ADH1C: variants seen among roughly 807,000 people sequenced by gnomAD.
ADH1C encodes the protein alcohol dehydrogenase 1C (class I), gamma polypeptide, also known as alcohol dehydrogenase 1C.
A neutral mutation model predicts 35.0 loss-of-function variants in ADH1C; 26 were observed. The ratio of observed to expected loss-of-function variants is 0.74; its 90% CI spans 0.54 to 1.03. ADH1C has a LOEUF of 1.03. Among genes scored for constraint, ADH1C ranks in the 50% least tolerant of loss-of-function variants. ADH1C has a pLI of 0.00. For missense variants in ADH1C, 413 were observed against 465.4 expected, an observed-to-expected ratio of 0.89 and a Z score of 1.04; for synonymous variants, 170 against 169.3, an observed-to-expected ratio of 1.00 and a Z score of -0.03.
chr4:99,344,809 T>G, intron 5 of ADH1C, 53 bp downstream of exon 5: 8 of 1,602,008 alleles, frequency 5.0e-6, no homozygotes, highest in Non-Finnish European at 6.8e-6. Flanking sequence ...GCTTCCCTTT[T>G]GGTTCCTGAC....
chr4:99,340,780 C>A lies in ADH1C; in HGVS notation c.829-70G>T, dbSNP rs1339429612. The A allele has an allele frequency of 3.1e-6, 5 of 1,596,206 alleles. No homozygotes were observed. In the African/African-American group the frequency reaches 5.4e-5, roughly 17 times the overall value. ...AGTTCATACTCATAATGCACAATAT[C>A]ATGTAATAGGCTTAGCTGGATTGTG... On this transcript the variant is annotated intron_variant, in intron 6 of 8. Transcript: ENST00000515683.
intron 8 of ADH1C, among the ~76,000 whole-genome samples, chr4:99,336,998 C>T (rs1614972): frequency 0.38 from 57,602 of 152,004 alleles, 12,338 homozygotes; most frequent in East Asian, 0.75. Flanking sequence ...TCAAAACCTC[C>T]TGAGTATGCC....
intron 2 of ADH1C, 55 bp downstream of exon 2, chr4:99,347,690 T>C (rs1454932302): frequency 1.3e-6 from 2 of 1,489,452 alleles, no homozygotes; most frequent in Admixed American, 4.1e-5. Flanking sequence ...CTATTTTTAA[T>C]ATTTTCTGAA....
chr4:99,338,432 TATATATATATATAC>T (rs1367789733), intron 8 of ADH1C, among the ~76,000 whole-genome samples: 1,758 of 63,610 alleles, frequency 0.028, 245 homozygotes, highest in Middle Eastern at 0.033. Flanking sequence ...TATATATATA[TATATATATATATAC>T]ACACTCTTGA....
In ADH1C at chr4:99,348,258, C is replaced by T. The variant is rs1465629131; in HGVS notation, c.19-412G>A. 1.4e-4 allele frequency among the ~76,000 whole-genome samples: 20 copies of T among 144,610 alleles called. 1 individual carries two copies. Among genetic ancestry groups the T allele is most frequent in the African/African-American group, 5.1e-5 (2 of 39,270 alleles). The allele number at this position is 144,610 out of a possible 152,430, so 94.9% of individuals were successfully genotyped here. A position where few individuals can be genotyped will look rare whatever the true frequency, so the allele number is the denominator to read the frequency against. The stretch of plus-strand genomic sequence containing the variant: ...GTCATCTAGCATTAGGTATATCTCC[C>T]AATGCTATCCCTCCCCCCTCCCCCC... On this transcript the variant is annotated intron_variant, in intron 1 of 8. Coordinates refer to ENST00000515683, the MANE Select transcript of ADH1C (RefSeq NM_000669.5).
intron 1 of ADH1C, among the ~76,000 whole-genome samples, chr4:99,348,907 TG>T (rs1209330323): frequency 6.6e-6 from 1 of 151,068 alleles, no homozygotes; most frequent in East Asian, 1.9e-4. Context: ...ATGTGTTTTT[TG>T]GCTGCATAAA....
At chr4:99,336,936 G>C (rs559274466) in intron 8 of ADH1C, among the ~76,000 whole-genome samples, 160 bp from the exon 9 acceptor site, 1 of 152,222 alleles carries the variant, frequency 6.6e-6, no homozygotes, top group South Asian at 2.1e-4. Flanking sequence ...CAAGTGAAGG[G>C]AAGTTCATGT....
chr4:99,343,393 T>G (rs1734460324), intron 5 of ADH1C, among the ~76,000 whole-genome samples: 1 of 152,212 alleles, frequency 6.6e-6, no homozygotes, highest in African/African-American at 2.4e-5. Flanking sequence ...ACCAGGGGAC[T>G]GGATGATCTT....
chr4:99,340,734 A>G, intron 6 of ADH1C, 24 bp from the exon 7 acceptor site: 1 of 1,612,070 alleles, frequency 6.2e-7, no homozygotes, highest in East Asian at 2.2e-5. Flanking sequence ...AACATTTAGT[A>G]TCCTTAACGT....
At position 99,339,571 on chromosome 4, in the gene ADH1C, A is replaced by G; in HGVS notation, c.1103+6T>C. On this transcript the variant is annotated splice_donor_region_variant and intron_variant, in intron 8 of 8. Coordinates refer to ENST00000515683, the MANE Select transcript of ADH1C (RefSeq NM_000669.5). ...AAGCAAAACAAAAAAACAACTTAAAATCTACCTCTTTCCAGAGCGAAGCAG... is the reference window on the plus strand; with the variant it reads ...AAGCAAAACAAAAAAACAACTTAAAGTCTACCTCTTTCCAGAGCGAAGCAG... 6.4e-7 allele frequency: 1 copy of G among 1,564,588 alleles called. No individual in the cohort carries two copies. Among genetic ancestry groups the G allele is most frequent in the Non-Finnish European group, 8.6e-7 (1 of 1,156,872 alleles).
At chr4:99,347,946 C>T in intron 1 of ADH1C, 100 bp from the exon 2 acceptor site, 1 of 1,335,656 alleles carries the variant, frequency 7.5e-7, no homozygotes, top group Non-Finnish European at 1.1e-6. Context: ...AGTCCCATGT[C>T]TGGCACCTAA....
rs142787662 is a variant in ADH1C at position 99,344,248 on chromosome 4, G to A, written c.567+614C>T. On this transcript the variant is annotated intron_variant, in intron 5 of 8. Coordinates refer to ENST00000515683, the MANE Select transcript of ADH1C (RefSeq NM_000669.5). ...AGGAGCCTTTAAAGAATTTCTGCTT[G>A]AAATTTACCACTTCTGAATACATAT... 5.8e-3 allele frequency among the ~76,000 whole-genome samples: 887 copies of A among 152,256 alleles called. 5 individuals carry two copies. Among genetic ancestry groups the A allele is most frequent in the Middle Eastern group, 0.017 (5 of 294 alleles).
intron 6 of ADH1C, among the ~76,000 whole-genome samples, chr4:99,341,900 A>C (rs1734423155): frequency 6.6e-6 from 1 of 151,870 alleles, no homozygotes; most frequent in Non-Finnish European, 1.5e-5. Context: ...TGTACTCAGC[A>C]CTTTCGGAGG....
At position 99,344,927 on chromosome 4, in the gene ADH1C, C is replaced by T. The variant is rs1238324089; in HGVS notation, c.502G>A (p.Glu168Lys). The change falls in exon 5 of 9, where the codon GAG (glutamate) becomes AAG (lysine). Residue 168 changes from glutamate (E) to lysine (K), a missense_variant. Transcript: ENST00000515683. ...CCACAGCCAATGAGGCAGACTTTCT[C>T]CAGGGGCGAGGCTGCATCAATTTTG... ...VAKIDAASPL[E>K]KVCLIGCGFS... The T allele has an allele frequency of 7.4e-6, 12 of 1,614,076 alleles. No homozygotes were observed. Among genetic ancestry groups the T allele is most frequent in the Non-Finnish European group, 7.6e-6 (9 of 1,180,052 alleles).
chr4:99,340,818 G>T, intron 6 of ADH1C, 108 bp from the exon 7 acceptor site: 1 of 1,493,548 alleles, frequency 6.7e-7, no homozygotes, highest in Non-Finnish European at 9.1e-7. Flanking sequence ...TGTGTAGAGG[G>T]AAGAGATCAT....
In ADH1C at chr4:99,336,642, T is replaced by C. The variant is rs1734282781; in HGVS notation, c.*110A>G. 7.3e-7 allele frequency: 1 copy of C among 1,364,286 alleles called. No individual in the cohort carries two copies. The highest frequency in any genetic ancestry group is 1.0e-6 in the Non-Finnish European group (1 of 972,988). The allele number at this position is 1,364,286 out of a possible 1,614,324, so 84.5% of individuals were successfully genotyped here. A position where few individuals can be genotyped will look rare whatever the true frequency, so the allele number is the denominator to read the frequency against. Reference sequence around the variant, plus strand: ...TTGGAAAGCTCCCACGTGTAATTTATTTTTAACATCTCTGAAGAGCAGAAT... The same window carrying C: ...TTGGAAAGCTCCCACGTGTAATTTACTTTTAACATCTCTGAAGAGCAGAAT... On this transcript the variant is annotated 3_prime_UTR_variant, in exon 9 of 9. Transcript: ENST00000515683.
chr4:99,345,497 TG>T (rs1404568635), intron 3 of ADH1C, among the ~76,000 whole-genome samples: 1 of 152,192 alleles, frequency 6.6e-6, no homozygotes, highest in Non-Finnish European at 1.5e-5. Flanking sequence ...GGAAACAAGA[TG>T]GATTAAAAAA....
intron 1 of ADH1C, among the ~76,000 whole-genome samples, chr4:99,351,887 T>G (rs1026408907): frequency 2.6e-5 from 4 of 152,232 alleles, no homozygotes; most frequent in African/African-American, 9.6e-5. Context: ...TGTAAACACA[T>G]TGAAAAATAA....
At chr4:99,350,122 A>T (rs116080438) in intron 1 of ADH1C, among the ~76,000 whole-genome samples, 5 of 152,300 alleles carry the variant, frequency 3.3e-5, no homozygotes, top group African/African-American at 1.2e-4. Flanking sequence ...CAGGATTTTC[A>T]ATGTGGTCCA....
Sources: gnomAD v4.1 joint callset for allele counts (sites outside exome capture counted in the v4.1 genomes callset) on GRCh38, gnomAD v4.1.1 for gene constraint, MANE v1.5 for transcripts, NCBI Gene and HGNC (gene_info 2026-07-23, HGNC 2026-07-21) for gene names.